Variants in IQGAP2 observed in about 807,000 individuals in gnomAD.
The protein encoded by IQGAP2 is ras GTPase-activating-like protein IQGAP2.
In IQGAP2, 173 loss-of-function variants were observed where a neutral mutation model predicts 201.3. That is an observed-to-expected ratio of 0.86 (90% CI 0.76 to 0.98). IQGAP2 has a LOEUF of 0.98. Among genes scored for constraint, IQGAP2 ranks in the 50% least tolerant of loss-of-function variants. The pLI, the probability that IQGAP2 is intolerant of heterozygous loss-of-function variation, is 0.00. For missense variants in IQGAP2, 1,687 were observed against 1,864.8 expected, an observed-to-expected ratio of 0.90 and a Z score of 1.76; for synonymous variants, 675 against 673.9, an observed-to-expected ratio of 1.00 and a Z score of -0.03.
At chr5:76,674,313 A>G (rs373464060) in intron 26 of IQGAP2, among the ~76,000 whole-genome samples, 164 bp from the exon 27 acceptor site, 1 of 152,158 alleles carries the variant, frequency 6.6e-6, no homozygotes, top group African/African-American at 2.4e-5. Context: ...ATGTGTGATT[A>G]TATTCATTGC....
At chr5:76,580,292 A>G (rs897819821) in intron 5 of IQGAP2, among the ~76,000 whole-genome samples, 3 of 145,476 alleles carry the variant, frequency 2.1e-5, no homozygotes, top group Admixed American at 1.4e-4. Context: ...AAGAAAAAAA[A>G]AAAAGCATGG....
intron 2 of IQGAP2, among the ~76,000 whole-genome samples, chr5:76,526,696 T>A (rs1758995609): frequency 6.6e-6 from 1 of 152,128 alleles, no homozygotes; most frequent in Non-Finnish European, 1.5e-5. Flanking sequence ...AGTATGGACA[T>A]GTCTTGATTG....
intron 12 of IQGAP2, among the ~76,000 whole-genome samples, chr5:76,608,311 G>A (rs1213038063): frequency 6.6e-6 from 1 of 152,158 alleles, no homozygotes; most frequent in African/African-American, 2.4e-5. Context: ...AGGTATTTCA[G>A]ACACTAATAT....
intron 2 of IQGAP2, among the ~76,000 whole-genome samples, chr5:76,511,074 G>A (rs1227583797): frequency 4.6e-5 from 7 of 152,192 alleles, no homozygotes; most frequent in African/African-American, 1.7e-4. Context: ...ACATTCCCAG[G>A]AACAAGGATC....
At chr5:76,528,995 C>A (rs1759129091) in intron 2 of IQGAP2, among the ~76,000 whole-genome samples, 5 of 152,148 alleles carry the variant, frequency 3.3e-5, no homozygotes, top group African/African-American at 9.7e-5. Context: ...AACAGTTTTA[C>A]CCAAGTTGTA....
chr5:76,590,574 T>C lies in IQGAP2; in HGVS notation c.807T>C (p.Asn269=), dbSNP rs751347759. 119 of 1,608,106 alleles carry C rather than the reference T, an allele frequency of 7.4e-5. No individual in the cohort carries two copies. The highest frequency in any genetic ancestry group is 9.8e-5 in the Non-Finnish European group (115 of 1,178,050). ...LWDAKKKKEE[N]ARLKNSCISE... is the part of the protein sequence containing the mutation. ...ATGCCAAAAAGAAAAAAGAGGAAAA[T>C]GCAAGACTGAAGGTGCTTAGATTCT... Residue 269 remains asparagine, a synonymous_variant, in exon 8 of 36, where the codon AAT becomes AAC. Transcript: ENST00000274364.
chr5:76,589,108 T>C lies in IQGAP2; in HGVS notation c.526+135T>C, dbSNP rs551787268. 6.4e-3 allele frequency: 2,839 copies of C among 443,938 alleles called. 12 individuals carry two copies. Among genetic ancestry groups the C allele is most frequent in the Admixed American group, 0.01 (260 of 25,950 alleles). 27.5% of individuals were successfully genotyped at this position (443,938 alleles called of 1,614,324 possible). A position where few individuals can be genotyped will look rare whatever the true frequency, so the allele number is the denominator to read the frequency against. ...GCGGGCGGATCACAAGGTCAGGAGA[T>C]CGAGACCATCCTGACTAACAGTGAA... On this transcript the variant is annotated intron_variant, in intron 6 of 35. Coordinates refer to ENST00000274364, the MANE Select transcript of IQGAP2 (RefSeq NM_006633.5).
At chr5:76,427,929 G>A (rs190325366) in intron 1 of IQGAP2, among the ~76,000 whole-genome samples, 2 of 152,204 alleles carry the variant, frequency 1.3e-5, no homozygotes, top group East Asian at 1.9e-4. Flanking sequence ...CCCTGAGCCC[G>A]TCTGCAGCCT....
chr5:76,412,858 C>G (rs1751198109), intron 1 of IQGAP2, among the ~76,000 whole-genome samples: 1 of 152,206 alleles, frequency 6.6e-6, no homozygotes, highest in South Asian at 2.1e-4. Context: ...TTTAATTTCT[C>G]TGTGCCTCAG....
At chr5:76,497,528 C>CT (rs1304661398) in intron 2 of IQGAP2, among the ~76,000 whole-genome samples, 4 of 152,226 alleles carry the variant, frequency 2.6e-5, no homozygotes, top group African/African-American at 7.2e-5. Flanking sequence ...AAGCTTTAAA[C>CT]TTTCATTTGT....
intron 20 of IQGAP2, 72 bp downstream of exon 20, chr5:76,655,075 G>A: frequency 9.3e-7 from 1 of 1,081,040 alleles, no homozygotes; most frequent in South Asian, 1.3e-5. Context: ...GTCCATATTG[G>A]TCACTTCAGA....
chr5:76,590,609 A>C (rs1176234324), intron 8 of IQGAP2, 23 bp downstream of exon 8: 1 of 1,570,958 alleles, frequency 6.4e-7, no homozygotes, highest in Non-Finnish European at 8.7e-7. Context: ...TGAGTAATAA[A>C]AACAGTAATG....
chr5:76,556,386 C>G (rs1743946235), intron 2 of IQGAP2, among the ~76,000 whole-genome samples: 1 of 152,142 alleles, frequency 6.6e-6, no homozygotes, highest in Non-Finnish European at 1.5e-5. Context: ...CTCCTTAGTT[C>G]CCGCTGGCAT....
intron 14 of IQGAP2, among the ~76,000 whole-genome samples, chr5:76,630,457 C>T (rs575238260): frequency 1.3e-5 from 2 of 152,106 alleles, no homozygotes; most frequent in Non-Finnish European, 2.9e-5. Context: ...AGAGTTCCAT[C>T]GAAAATGGTT....
intron 1 of IQGAP2, among the ~76,000 whole-genome samples, chr5:76,420,210 A>C (rs1751652235): frequency 6.6e-6 from 1 of 152,118 alleles, no homozygotes; most frequent in South Asian, 2.1e-4. Flanking sequence ...CCAAGGTTTG[A>C]ATTCATTGAA....
intron 29 of IQGAP2, among the ~76,000 whole-genome samples, 192 bp from the exon 30 acceptor site, chr5:76,683,584 A>G (rs1041268513): frequency 6.6e-6 from 1 of 152,190 alleles, no homozygotes; most frequent in Non-Finnish European, 1.5e-5. Context: ...CCTATGTCCC[A>G]TGTCATTTTC....
At chr5:76,530,585 A>G (rs1208862681) in intron 2 of IQGAP2, among the ~76,000 whole-genome samples, 1 of 152,248 alleles carries the variant, frequency 6.6e-6, no homozygotes, top group Non-Finnish European at 1.5e-5. Context: ...CCTGTTTCAA[A>G]AGAAATTGTG....
chr5:76,503,557 T>C (rs1757414881), intron 2 of IQGAP2, among the ~76,000 whole-genome samples: 1 of 147,870 alleles, frequency 6.8e-6, no homozygotes, highest in African/African-American at 2.5e-5. Flanking sequence ...TTGTGGAGTC[T>C]TAGAAAAGAA....
rs1035508427 is a variant in IQGAP2, at chr5:76,560,420, G to A, written c.147-1976G>A. On this transcript the variant is annotated intron_variant, in intron 2 of 35. Coordinates refer to ENST00000274364, the MANE Select transcript of IQGAP2 (RefSeq NM_006633.5). ...AATCCTCCCACCTCACCCTCCCAAA[G>A]TGCTGGAATTACAGGCATGAGCCAT... Among the ~76,000 whole-genome samples the A allele has an allele frequency of 5.3e-5, 8 of 151,582 alleles. No homozygotes were observed. The South Asian group carries it at 1.5e-3, about 28-fold the overall frequency.
Sources: allele counts gnomAD v4.1 joint callset (sites outside exome capture counted in the v4.1 genomes callset), GRCh38; gene constraint gnomAD v4.1.1; transcripts MANE v1.5; gene names NCBI Gene and HGNC (gene_info 2026-07-23, HGNC 2026-07-21).